The following GPC6 variants were observed in gnomAD, a reference collection of about 807,000 sequenced individuals.
GPC6 encodes the protein glypican-6.
Under a neutral mutation model 55.2 loss-of-function variants are expected in GPC6, and 14 were observed. That is an observed-to-expected ratio of 0.25 (90% CI 0.17 to 0.40). GPC6 has a LOEUF of 0.40. GPC6 is among the 10% of genes least tolerant of loss of function. GPC6 has a pLI of 1.00. For missense variants in GPC6, 641 were observed against 708.5 expected (o/e 0.90, Z 1.08); for synonymous variants, 278 against 259.6 (o/e 1.07, Z -0.68).
At chr13:93,604,377 T>C (rs772117840) in intron 2 of GPC6, among the ~76,000 whole-genome samples, 4 of 152,180 alleles carry the variant, frequency 2.6e-5, no homozygotes, top group African/African-American at 4.8e-5. Context: ...GGGAATTCGA[T>C]GAGGAAGGCC....
chr13:94,266,337 T>G (rs1458198621), intron 4 of GPC6, among the ~76,000 whole-genome samples: 1 of 152,018 alleles, frequency 6.6e-6, no homozygotes, highest in African/African-American at 2.4e-5. Context: ...TCTGGCTAAT[T>G]TTTTGTATTT....
chr13:93,393,536 T>C (rs1875729320), intron 1 of GPC6, among the ~76,000 whole-genome samples: 1 of 152,142 alleles, frequency 6.6e-6, no homozygotes, highest in African/African-American at 2.4e-5. Context: ...TTGACATCTT[T>C]TAAAATGCTA....
rs555814680 is a variant in GPC6, at chr13:93,652,601, A to C, written c.319+107180A>C. On this transcript the variant is annotated intron_variant, in intron 2 of 8. Coordinates refer to ENST00000377047, the MANE Select transcript of GPC6 (RefSeq NM_005708.5). Reference sequence around the variant, plus strand: ...CCTTCTATCCTGCAATATGCAGTCAAGACATACCTTTAATTGTCTCCATCC... The same window carrying C: ...CCTTCTATCCTGCAATATGCAGTCACGACATACCTTTAATTGTCTCCATCC... 2.3e-4 allele frequency among the ~76,000 whole-genome samples: 35 copies of C among 152,314 alleles called. 1 individual carries two copies. Among genetic ancestry groups the C allele is most frequent in the Admixed American group, 2.2e-3 (34 of 15,292 alleles).
intron 1 of GPC6, among the ~76,000 whole-genome samples, chr13:93,393,181 T>A (rs1012131749): frequency 4.7e-5 from 7 of 149,896 alleles, no homozygotes; most frequent in African/African-American, 7.4e-5. Flanking sequence ...CACTGTCGTC[T>A]GGGCTGGAGT....
At chr13:94,279,519 T>C (rs1892311517) in intron 4 of GPC6, among the ~76,000 whole-genome samples, 1 of 152,218 alleles carries the variant, frequency 6.6e-6, no homozygotes, top group Admixed American at 6.5e-5. Flanking sequence ...TCTCTAGTTA[T>C]TTTAATTGTG....
At chr13:94,345,354 T>TG (rs1386105967) in intron 6 of GPC6, among the ~76,000 whole-genome samples, 4 of 152,032 alleles carry the variant, frequency 2.6e-5, no homozygotes, top group Admixed American at 2.6e-4. Context: ...AATCTGATTT[T>TG]GGGGGGGAAA....
intron 2 of GPC6, among the ~76,000 whole-genome samples, chr13:93,552,955 G>GA (rs1236437925): frequency 9.9e-5 from 15 of 152,112 alleles, no homozygotes; most frequent in African/African-American, 2.9e-4. Flanking sequence ...TGAAAATCAA[G>GA]AAAAAATATT....
intron 3 of GPC6, among the ~76,000 whole-genome samples, chr13:93,883,003 G>C (rs1166575248): frequency 6.6e-6 from 1 of 152,092 alleles, no homozygotes; most frequent in South Asian, 2.1e-4. Context: ...CCAGGGCCTT[G>C]AATCTCTCGT....
chr13:94,099,963 G>C (rs1392530351), intron 4 of GPC6, among the ~76,000 whole-genome samples: 1 of 152,154 alleles, frequency 6.6e-6, no homozygotes, highest in Non-Finnish European at 1.5e-5. Context: ...GATACTTGAG[G>C]GTAGAGGGTG....
rs529202448 is a variant in GPC6 at position 94,114,044 on chromosome 13, A to G, written c.877+86150A>G. Among the ~76,000 whole-genome samples, 4 of 131,582 alleles carry G rather than the reference A, an allele frequency of 3.0e-5. No homozygotes were observed. In the East Asian group the frequency reaches 9.1e-4, roughly 30 times the overall value. 86.3% of individuals were successfully genotyped at this position (131,582 alleles called of 152,430 possible). On this transcript the variant is annotated intron_variant, in intron 4 of 8. Transcript: ENST00000377047. ...AAAAAAAAAAAAAAAAAGCCCAGTG[A>G]CTATTACCCATTCACCCATTCATAG...
At chr13:93,723,303 G>C (rs1381793391) in intron 2 of GPC6, among the ~76,000 whole-genome samples, 1 of 151,930 alleles carries the variant, frequency 6.6e-6, no homozygotes, top group Non-Finnish European at 1.5e-5. Context: ...GTGTTTTGAT[G>C]CTGATGTTTC....
At chr13:93,259,299 G>A (rs1199537596) in intron 1 of GPC6, among the ~76,000 whole-genome samples, 1 of 152,102 alleles carries the variant, frequency 6.6e-6, no homozygotes, top group East Asian at 1.9e-4. Context: ...TGGAACTTTA[G>A]GGACTGATAC....
intron 3 of GPC6, among the ~76,000 whole-genome samples, chr13:93,978,508 A>G (rs960670942): frequency 6.6e-6 from 1 of 152,216 alleles, no homozygotes; most frequent in Non-Finnish European, 1.5e-5. Context: ...GAATATGTAC[A>G]GGAAGATATA....
At chr13:93,405,039 A>G (rs1446659975) in intron 1 of GPC6, among the ~76,000 whole-genome samples, 1 of 152,184 alleles carries the variant, frequency 6.6e-6, no homozygotes, top group Non-Finnish European at 1.5e-5. Context: ...CAGCGTGGGT[A>G]TGATTATTCT....
At chr13:94,365,435 T>C (rs1419660612) in intron 6 of GPC6, among the ~76,000 whole-genome samples, 1 of 152,194 alleles carries the variant, frequency 6.6e-6, no homozygotes, top group Non-Finnish European at 1.5e-5. Flanking sequence ...AGGCAGATCA[T>C]TGCATTATAG....
At chr13:94,174,409 C>T (rs1888674455) in intron 4 of GPC6, among the ~76,000 whole-genome samples, 1 of 152,034 alleles carries the variant, frequency 6.6e-6, no homozygotes, top group Admixed American at 6.6e-5. Context: ...AAATGAAAAA[C>T]ATTCAAAGAT....
chr13:94,270,977 T>G (rs1322708554), intron 4 of GPC6, among the ~76,000 whole-genome samples: 1 of 100,186 alleles, frequency 1.0e-5, no homozygotes, highest in Non-Finnish European at 2.0e-5. Context: ...TTTTTTTTTT[T>G]TTTTTTTTTT....
chr13:94,327,281 C>T (rs1424806996), intron 6 of GPC6, among the ~76,000 whole-genome samples: 4 of 152,112 alleles, frequency 2.6e-5, no homozygotes, highest in African/African-American at 4.8e-5. Context: ...GCATGGCGGA[C>T]GGGGCTTGGA....
chr13:94,330,890 G>A (rs953863051), intron 6 of GPC6, among the ~76,000 whole-genome samples: 1 of 151,548 alleles, frequency 6.6e-6, no homozygotes, highest in East Asian at 1.9e-4. Flanking sequence ...GTCCTTTTAT[G>A]TGGTTTTCTT....
Sources: allele counts gnomAD v4.1 joint callset (sites outside exome capture counted in the v4.1 genomes callset), GRCh38; gene constraint gnomAD v4.1.1; transcripts MANE v1.5; gene names NCBI Gene and HGNC (gene_info 2026-07-23, HGNC 2026-07-21).